Variants in KHDRBS2 observed in about 807,000 individuals in gnomAD.
KHDRBS2 encodes the protein KH RNA binding domain containing, signal transduction associated 2, also known as KH domain-containing, RNA-binding, signal transduction-associated protein 2.
In KHDRBS2, 26 loss-of-function variants were observed where a neutral mutation model predicts 44.3. The ratio of observed to expected loss-of-function variants is 0.59; its 90% confidence interval spans 0.43 to 0.81. The LOEUF (loss-of-function observed/expected upper bound fraction) is 0.81. Ranked by LOEUF, KHDRBS2 falls within the 40% of genes least tolerant of loss-of-function variation. The pLI is 0.00. For synonymous variants in KHDRBS2, 194 were observed against 151.1 expected, an observed-to-expected ratio of 1.28 and a Z score of -2.08; for missense variants, 476 against 433.1, an observed-to-expected ratio of 1.10 and a Z score of -0.88.
the KHDRBS2 span, among the ~76,000 whole-genome samples, chr6:61,573,384 C>A: frequency 6.6e-6 from 1 of 152,182 alleles, no homozygotes; most frequent in Admixed American, 6.5e-5. Context: ...ATGAAAATGA[C>A]CATACTGCCA....
chr6:61,760,867 G>C (rs552678955), intron 6 of KHDRBS2, among the ~76,000 whole-genome samples: 31 of 152,260 alleles, frequency 2.0e-4, no homozygotes, highest in African/African-American at 6.7e-4. Context: ...TGACACATTT[G>C]GAAATGTCAT....
intron 6 of KHDRBS2, among the ~76,000 whole-genome samples, chr6:61,774,452 A>G (rs1311630845): frequency 1.3e-5 from 2 of 152,270 alleles, no homozygotes; most frequent in Non-Finnish European, 2.9e-5. Context: ...GCAAAGTCTC[A>G]GGATACAAAA....
At chr6:61,758,342 C>A (rs576035255) in intron 6 of KHDRBS2, among the ~76,000 whole-genome samples, 6 of 151,786 alleles carry the variant, frequency 4.0e-5, no homozygotes, top group Non-Finnish European at 8.8e-5. Flanking sequence ...TACATATGAC[C>A]AAAAGCACGT....
chr6:61,811,698 C>A (rs1437018159), intron 6 of KHDRBS2, among the ~76,000 whole-genome samples: 7 of 152,178 alleles, frequency 4.6e-5, no homozygotes, highest in Admixed American at 3.9e-4. Flanking sequence ...ATCATTTGCT[C>A]AATCTTGTTC....
chr6:62,105,994 T>C (rs2127378251), intron 2 of KHDRBS2, among the ~76,000 whole-genome samples: 1 of 152,334 alleles, frequency 6.6e-6, no homozygotes, highest in Non-Finnish European at 1.5e-5. Context: ...TTCCCGTTGG[T>C]TTCAAAGAAT....
intron 3 of KHDRBS2, among the ~76,000 whole-genome samples, chr6:61,992,101 A>G (rs544058632): frequency 6.6e-6 from 1 of 152,334 alleles, no homozygotes; most frequent in East Asian, 1.9e-4. Context: ...CTCAAAGTCA[A>G]TAAATGCCAG....
intron 1 of KHDRBS2, among the ~76,000 whole-genome samples, chr6:62,180,253 A>G (rs1051299555): frequency 2.6e-5 from 4 of 151,916 alleles, no homozygotes; most frequent in African/African-American, 9.7e-5. Flanking sequence ...AAAAATAAAG[A>G]TATCTGTTTG....
intron 2 of KHDRBS2, among the ~76,000 whole-genome samples, chr6:62,100,111 G>T: frequency 6.6e-6 from 1 of 152,154 alleles, no homozygotes; most frequent in East Asian, 1.9e-4. Context: ...GAGTTTCAAA[G>T]AGTTGATTCT....
At chr6:62,246,532 C>T (rs767836839) in intron 1 of KHDRBS2, among the ~76,000 whole-genome samples, 4 of 151,974 alleles carry the variant, frequency 2.6e-5, no homozygotes, top group Non-Finnish European at 5.9e-5. Flanking sequence ...CTTTAAATAT[C>T]CTGCTTTGCA....
chr6:62,169,956 A>T (rs1179164577), intron 2 of KHDRBS2, among the ~76,000 whole-genome samples: 1 of 151,318 alleles, frequency 6.6e-6, no homozygotes, highest in African/African-American at 2.4e-5. Flanking sequence ...CTTCTGCTTG[A>T]ACTCAGCTAG....
At chr6:61,728,355 G>T (rs6934332) in intron 7 of KHDRBS2, among the ~76,000 whole-genome samples, 57,877 of 151,688 alleles carry the variant, frequency 0.38, 12,105 homozygotes, top group African/African-American at 0.57. Context: ...TAATACCTAG[G>T]TGATGGGATA....
intron 1 of KHDRBS2, among the ~76,000 whole-genome samples, chr6:62,228,541 C>T (rs111428006): frequency 6.6e-6 from 1 of 152,018 alleles, no homozygotes; most frequent in Non-Finnish European, 1.5e-5. Context: ...TTCTGCTCTG[C>T]TCTGATCTTA....
chr6:61,569,876 G>A, the KHDRBS2 span, among the ~76,000 whole-genome samples: 9 of 152,240 alleles, frequency 5.9e-5, no homozygotes, highest in East Asian at 3.9e-4. Flanking sequence ...GGGGAAAGAC[G>A]AGAACACCAT....
At chr6:61,985,020 T>A (rs1774769948) in intron 3 of KHDRBS2, among the ~76,000 whole-genome samples, 1 of 152,182 alleles carries the variant, frequency 6.6e-6, no homozygotes, top group Admixed American at 6.5e-5. Flanking sequence ...ATAAGTAACC[T>A]TTTTGACAAT....
At chr6:61,722,856 CCCA>C (rs1279994389) in intron 7 of KHDRBS2, among the ~76,000 whole-genome samples, 2 of 151,886 alleles carry the variant, frequency 1.3e-5, no homozygotes, top group Non-Finnish European at 2.9e-5. Context: ...ACTACAAGCG[CCCA>C]CCACCATGCC....
chr6:61,691,076 A>G (rs1371383745), intron 8 of KHDRBS2, among the ~76,000 whole-genome samples: 2 of 152,024 alleles, frequency 1.3e-5, no homozygotes, highest in African/African-American at 4.8e-5. Flanking sequence ...ATGGAAGCTG[A>G]ACGTTCGTAT....
rs569190643 is a variant in KHDRBS2 at position 62,252,148 on chromosome 6, C to CA, written c.91+33709dup. Among the ~76,000 whole-genome samples, 50 of 151,396 alleles carry CA rather than the reference C, an allele frequency of 3.3e-4. 1 individual carries two copies. The highest frequency in any genetic ancestry group is 1.1e-3 in the African/African-American group (47 of 41,274). ...TTTTGATATTTTTAATAGGCTTTGA[C>CA]AAAAAAATAAATATTCATTGCTTGA... is the stretch of plus-strand genomic sequence containing the variant. On this transcript the variant is annotated intron_variant, in intron 1 of 8. Coordinates refer to ENST00000281156, the MANE Select transcript of KHDRBS2 (RefSeq NM_152688.4).
At position 61,904,600 on chromosome 6, in the gene KHDRBS2, T is replaced by C. The variant is rs115620113; in HGVS notation, c.484-3229A>G. ...CTACCCAAAAGCTTCTCCCAGCTGA[T>C]AACCAAATGTAGTTAAATGCTAACA... On this transcript the variant is annotated intron_variant, in intron 4 of 8. Coordinates refer to ENST00000281156, the MANE Select transcript of KHDRBS2 (RefSeq NM_152688.4). Among the ~76,000 whole-genome samples the C allele has an allele frequency of 1.7e-3, 254 of 152,308 alleles. 1 individual carries two copies. Among genetic ancestry groups the C allele is most frequent in the African/African-American group, 5.4e-3 (225 of 41,564 alleles).
At chr6:61,885,464 C>G (rs1264799546) in intron 6 of KHDRBS2, among the ~76,000 whole-genome samples, 1 of 152,124 alleles carries the variant, frequency 6.6e-6, no homozygotes, top group Non-Finnish European at 1.5e-5. Flanking sequence ...CCACATCCTT[C>G]CCGTATCAGT....
Sources: allele counts gnomAD v4.1 joint callset (sites outside exome capture counted in the v4.1 genomes callset), GRCh38; gene constraint gnomAD v4.1.1; transcripts MANE v1.5; gene names NCBI Gene and HGNC (gene_info 2026-07-23, HGNC 2026-07-21).